The following LIPC variants were observed in gnomAD, a reference collection of about 807,000 sequenced individuals.
The protein encoded by LIPC is lipase C, hepatic type.
LIPC carries 44 observed loss-of-function variants against 50.7 expected under a neutral mutation model. That is an observed-to-expected ratio of 0.87 (90% CI 0.68 to 1.11). The LOEUF (loss-of-function observed/expected upper bound fraction) is 1.11. Ranked by LOEUF, LIPC falls within the 50% of genes most tolerant of loss-of-function variation. LIPC has a pLI of 0.00. For missense variants in LIPC, 697 were observed against 648.2 expected (o/e 1.08, Z -0.82); for synonymous variants, 271 against 256.4 (o/e 1.06, Z -0.54).
chr15:58,567,323 G>A (rs8039734), intron 8 of LIPC, among the ~76,000 whole-genome samples: 583 of 31,116 alleles, frequency 0.019, 10 homozygotes, highest in Non-Finnish European at 0.022. Flanking sequence ...ATGTATATGT[G>A]TATATATATA....
At chr15:58,493,472 T>G (rs966582613) in intron 1 of LIPC, among the ~76,000 whole-genome samples, 3 of 87,166 alleles carry the variant, frequency 3.4e-5, no homozygotes, top group Non-Finnish European at 8.7e-5. Flanking sequence ...CAATTTAAAA[T>G]ATATATATAT....
intron 6 of LIPC, among the ~76,000 whole-genome samples, chr15:58,549,674 A>G (rs2140930518): frequency 6.6e-6 from 1 of 152,290 alleles, no homozygotes; most frequent in South Asian, 2.1e-4. Flanking sequence ...GTGTATCGGA[A>G]CTTTTGCTCT....
chr15:58,452,077 C>T (rs575043149), intron 1 of LIPC, among the ~76,000 whole-genome samples: 13 of 152,252 alleles, frequency 8.5e-5, no homozygotes, highest in Non-Finnish European at 1.3e-4. Context: ...CTAGGATGCT[C>T]GGGGCCCTAT....
At chr15:58,468,177 C>G (rs1223606534) in intron 1 of LIPC, among the ~76,000 whole-genome samples, 1 of 152,144 alleles carries the variant, frequency 6.6e-6, no homozygotes, top group Admixed American at 6.5e-5. Context: ...CAAAAGAGAT[C>G]ACTTGGCTTA....
chr15:58,450,540 G>A (rs1893864082), intron 1 of LIPC, among the ~76,000 whole-genome samples: 1 of 152,210 alleles, frequency 6.6e-6, no homozygotes, highest in African/African-American at 2.4e-5. Flanking sequence ...AGTGAACAAT[G>A]TGCAATTTAA....
At chr15:58,521,796 A>G (rs1892662026) in intron 1 of LIPC, 1 of 152,432 alleles carries the variant, frequency 6.6e-6, no homozygotes, top group African/African-American at 2.4e-5. Context: ...TGGAAAGACA[A>G]GTTCAGCCCT....
rs544891992 is a variant in LIPC at position 58,557,328 on chromosome 15, C to T, written c.1052-3536C>T. Among the ~76,000 whole-genome samples the T allele has an allele frequency of 1.6e-4, 23 of 146,300 alleles. No homozygotes were observed. In the East Asian group the frequency reaches 4.4e-3, roughly 28 times the overall value. ...CAGAAGCAAAGCACTTGGCAAAAAC[C>T]AAAATAGATATTAGCCAATGTTATT... On this transcript the variant is annotated intron_variant, in intron 6 of 8. Coordinates refer to ENST00000299022, the MANE Select transcript of LIPC (RefSeq NM_000236.3).
At chr15:58,434,290 A>G (rs1188105251) in intron 1 of LIPC, among the ~76,000 whole-genome samples, 2 of 152,042 alleles carry the variant, frequency 1.3e-5, no homozygotes, top group Non-Finnish European at 2.9e-5. Context: ...TCCCTCAAGG[A>G]CCCTTCCTCT....
intron 1 of LIPC, among the ~76,000 whole-genome samples, chr15:58,528,999 A>G (rs1283620133): frequency 6.6e-6 from 1 of 152,168 alleles, no homozygotes; most frequent in Non-Finnish European, 1.5e-5. Flanking sequence ...GCATATTCCT[A>G]GATCCCTTGA....
intron 8 of LIPC, among the ~76,000 whole-genome samples, chr15:58,568,354 A>C (rs1894454903): frequency 6.6e-6 from 1 of 152,228 alleles, no homozygotes; most frequent in South Asian, 2.1e-4. Context: ...GGAAGGGTTG[A>C]GGAACTAGAA....
rs71425808 is a variant in LIPC, at chr15:58,544,393, TTC to T, written c.575-1347_575-1346del. On this transcript the variant is annotated intron_variant, in intron 4 of 8. Transcript: ENST00000299022. ...TATCAGGACATTTTTCTTTTTCTCT[TTC>T]TTTTTTTTTTTTTTTTTTGAGACAG... is the stretch of plus-strand genomic sequence containing the variant. Among the ~76,000 whole-genome samples, 9 of 103,492 alleles carry T rather than the reference TTC, an allele frequency of 8.7e-5. 1 individual carries two copies. Among genetic ancestry groups the T allele is most frequent in the Non-Finnish European group, 1.2e-4 (6 of 49,476 alleles). 67.9% of individuals were successfully genotyped at this position (103,492 alleles called of 152,430 possible). A position where few individuals can be genotyped will look rare whatever the true frequency, so the allele number is the denominator to read the frequency against.
intron 8 of LIPC, chr15:58,563,970 C>A: frequency 1.9e-6 from 1 of 516,754 alleles, no homozygotes; most frequent in Non-Finnish European, 3.6e-6. Flanking sequence ...GCTAACGCTG[C>A]CTGCCTCTGG....
Position 58,526,376 on chromosome 15 carries a change from G to T in LIPC, c.89-11957G>T, listed in dbSNP as rs1020297516. On this transcript the variant is annotated intron_variant, in intron 1 of 8. Transcript: ENST00000299022. The stretch of plus-strand genomic sequence containing the variant: ...GAGTGTTAACCGGTAGCCTAGTTTG[G>T]CTCCTCGAGGTGCCTGATTCAGACA... Among the ~76,000 whole-genome samples the T allele has an allele frequency of 2.0e-5, 3 of 152,156 alleles. 1 individual carries two copies. The highest frequency in any genetic ancestry group is 4.4e-5 in the Non-Finnish European group (3 of 68,028).
chr15:58,458,841 GA>G (rs1421489116), intron 1 of LIPC, among the ~76,000 whole-genome samples: 1 of 152,196 alleles, frequency 6.6e-6, no homozygotes, highest in East Asian at 1.9e-4. Context: ...AGGTTTTACA[GA>G]GGGTTTTTTG....
chr15:58,502,275 T>C (rs1453594563), intron 1 of LIPC, among the ~76,000 whole-genome samples: 2 of 152,126 alleles, frequency 1.3e-5, no homozygotes, highest in Admixed American at 1.3e-4. Flanking sequence ...GCACTTTGGC[T>C]CTGCTCTGGA....
At chr15:58,460,919 G>C (rs566059537) in intron 1 of LIPC, among the ~76,000 whole-genome samples, 66 of 152,334 alleles carry the variant, frequency 4.3e-4, no homozygotes, top group Non-Finnish European at 7.5e-4. Context: ...TTCTCTGAGA[G>C]AAAGTACCAG....
chr15:58,457,761 T>C (rs1380665521), intron 1 of LIPC, among the ~76,000 whole-genome samples: 1 of 152,240 alleles, frequency 6.6e-6, no homozygotes, highest in Non-Finnish European at 1.5e-5. Flanking sequence ...TTCCTTCACA[T>C]AAACCTGACT....
chr15:58,546,048 C>A, intron 5 of LIPC, 73 bp downstream of exon 5: 1 of 1,267,666 alleles, frequency 7.9e-7, no homozygotes, highest in South Asian at 1.2e-5. Context: ...GCGGAATCTA[C>A]CAACATACGG....
intron 1 of LIPC, among the ~76,000 whole-genome samples, chr15:58,468,863 T>C (rs768764608): frequency 1.3e-5 from 2 of 152,208 alleles, no homozygotes; most frequent in Non-Finnish European, 2.9e-5. Context: ...GTCCAGTAAA[T>C]TGGCTCCTTT....
Sources: allele counts gnomAD v4.1 joint callset (sites outside exome capture counted in the v4.1 genomes callset), GRCh38; gene constraint gnomAD v4.1.1; transcripts MANE v1.5; gene names NCBI Gene and HGNC (gene_info 2026-07-23, HGNC 2026-07-21).